CDH8: variants seen among roughly 807,000 people sequenced by gnomAD.
CDH8 encodes the protein cadherin-8.
In CDH8, 17 loss-of-function variants were observed where a neutral mutation model predicts 68.1. The observed-to-expected ratio is 0.25, with a 90% CI of 0.17 to 0.37. CDH8 has a LOEUF of 0.37. Among genes scored for constraint, CDH8 ranks in the 10% least tolerant of loss-of-function variants. CDH8 has a pLI of 1.00. For synonymous variants in CDH8, 372 were observed against 365.1 expected (o/e 1.02, Z -0.21); for missense variants, 763 against 999.3 (o/e 0.76, Z 3.19).
chr16:61,758,907 G>A lies in CDH8; in HGVS notation c.1414+30439C>T, dbSNP rs374224438. ...GAGGAGCTTAATCCATTTATGCTGG[G>A]GGTTGCAATTTCCTGGGTGTGAAAA... is the stretch of plus-strand genomic sequence containing the variant. On this transcript the variant is annotated intron_variant, in intron 8 of 11. Coordinates refer to ENST00000577390, the MANE Select transcript of CDH8 (RefSeq NM_001796.5). Among the ~76,000 whole-genome samples the A allele has an allele frequency of 3.3e-4, 50 of 152,150 alleles. No homozygotes were observed. The South Asian group carries it at 0.01, about 31-fold the overall frequency.
intron 10 of CDH8, among the ~76,000 whole-genome samples, chr16:61,713,235 C>T (rs969848163): frequency 2.0e-5 from 3 of 151,508 alleles, no homozygotes; most frequent in African/African-American, 7.3e-5. Context: ...AAACAGTAAT[C>T]CAAGGTTGGT....
rs1336060083 is a variant in CDH8, at chr16:61,917,451, G to A, written c.253-15978C>T. Among the ~76,000 whole-genome samples the A allele has an allele frequency of 7.9e-5, 12 of 152,180 alleles. No homozygotes were observed. In the South Asian group the frequency reaches 2.5e-3, roughly 32 times the overall value. On this transcript the variant is annotated intron_variant, in intron 2 of 11. Coordinates refer to ENST00000577390, the MANE Select transcript of CDH8 (RefSeq NM_001796.5). ...TCAACATTTGAGCCTAGTGTGTCCT[G>A]TTCCCCAGGTTATAAATCCTAAGGC...
intron 1 of CDH8, among the ~76,000 whole-genome samples, chr16:62,023,024 C>T (rs10735131): frequency 0.5 from 76,570 of 151,964 alleles, 20,587 homozygotes; most frequent in African/African-American, 0.7. Context: ...ACAGAGAAAA[C>T]GGAGTCCAGA....
chr16:61,965,252 A>G (rs1267382394), intron 2 of CDH8, among the ~76,000 whole-genome samples: 3 of 152,156 alleles, frequency 2.0e-5, no homozygotes, highest in Non-Finnish European at 4.4e-5. Flanking sequence ...ATTTTCTATC[A>G]GCACCTGGTT....
At chr16:61,859,044 A>G (rs931626898) in intron 3 of CDH8, among the ~76,000 whole-genome samples, 2 of 152,182 alleles carry the variant, frequency 1.3e-5, no homozygotes, top group African/African-American at 4.8e-5. Flanking sequence ...GTTTTGAATT[A>G]CAGTCACTCC....
intron 9 of CDH8, among the ~76,000 whole-genome samples, chr16:61,716,936 G>T (rs1596894512): frequency 1.3e-5 from 2 of 151,716 alleles, no homozygotes; most frequent in East Asian, 1.9e-4. Flanking sequence ...AACAGTAAAA[G>T]AAAAAGAACA....
rs1014792517 is a variant in CDH8, at chr16:62,028,358, G to A, written c.-199-6756C>T. Reference sequence around the variant, plus strand: ...GCTGGGATTACAGACGTGAGCCACCGCGACCGGCCTCAAATCCACTTTTTG... The same window carrying A: ...GCTGGGATTACAGACGTGAGCCACCACGACCGGCCTCAAATCCACTTTTTG... On this transcript the variant is annotated intron_variant, in intron 1 of 11. Transcript: ENST00000577390. Among the ~76,000 whole-genome samples, 4 of 151,914 alleles carry A rather than the reference G, an allele frequency of 2.6e-5. No individual in the cohort carries two copies. The East Asian group carries it at 5.8e-4, about 22-fold the overall frequency.
intron 7 of CDH8, among the ~76,000 whole-genome samples, chr16:61,793,737 G>T (rs1427592715): frequency 6.6e-6 from 1 of 151,860 alleles, no homozygotes; most frequent in South Asian, 2.1e-4. Context: ...TCTTTATAAC[G>T]GAATGATTTA....
intron 3 of CDH8, among the ~76,000 whole-genome samples, chr16:61,865,746 C>G (rs1363254347): frequency 6.6e-6 from 1 of 152,146 alleles, no homozygotes; most frequent in Admixed American, 6.5e-5. Flanking sequence ...TCATGGGCTG[C>G]TTATTCCCAG....
chr16:61,677,741 G>T (rs922543956), intron 10 of CDH8, among the ~76,000 whole-genome samples: 1 of 151,858 alleles, frequency 6.6e-6, no homozygotes, highest in Non-Finnish European at 1.5e-5. Context: ...TTCTGCTACT[G>T]TAAACAAAAA....
chr16:61,725,953 C>T (rs1478177473), intron 9 of CDH8: 1 of 150,200 alleles, frequency 6.7e-6, no homozygotes, highest in Non-Finnish European at 1.5e-5. Context: ...GGAAACAATG[C>T]TAATTCTCCA....
chr16:61,844,894 A>C (rs952039817), intron 4 of CDH8, among the ~76,000 whole-genome samples: 2 of 152,192 alleles, frequency 1.3e-5, no homozygotes, highest in Non-Finnish European at 2.9e-5. Context: ...AGACTTTAAA[A>C]GTATGACTTT....
rs532729192 is a variant in CDH8 at position 61,648,874 on chromosome 16, A to G, written c.*4734T>C. On this transcript the variant is annotated 3_prime_UTR_variant, in exon 12 of 12. Coordinates refer to ENST00000577390, the MANE Select transcript of CDH8 (RefSeq NM_001796.5). ...AAATACTAGGACTAGAATATCTTCA[A>G]TAGCAACAGTATACCATGTAATCCA... is the stretch of plus-strand genomic sequence containing the variant. The G allele has an allele frequency of 1.3e-5, 2 of 152,074 alleles. No homozygotes were observed. Among genetic ancestry groups the G allele is most frequent in the South Asian group, 2.1e-4 (1 of 4,832 alleles). 9.4% of individuals were successfully genotyped at this position (152,074 alleles called of 1,614,324 possible). A position where few individuals can be genotyped will look rare whatever the true frequency, so the allele number is the denominator to read the frequency against.
At chr16:62,021,964 T>A (rs1278542655) in intron 1 of CDH8, among the ~76,000 whole-genome samples, 3 of 152,136 alleles carry the variant, frequency 2.0e-5, no homozygotes, top group Non-Finnish European at 2.9e-5. Flanking sequence ...CATTCTTTTT[T>A]GTTTTAACAC....
At chr16:61,676,145 CA>C (rs60364173) in intron 10 of CDH8, among the ~76,000 whole-genome samples, 25,368 of 131,050 alleles carry the variant, frequency 0.19, 2,478 homozygotes, top group Middle Eastern at 0.29. Flanking sequence ...CACACACACT[CA>C]AAAAAAAAAA....
intron 4 of CDH8, among the ~76,000 whole-genome samples, chr16:61,833,537 C>T (rs532631128): frequency 2.6e-5 from 4 of 151,866 alleles, no homozygotes; most frequent in Non-Finnish European, 5.9e-5. Flanking sequence ...GTGAACATCT[C>T]TCACCAATTT....
chr16:61,756,204 A>T (rs1366832973), intron 8 of CDH8, among the ~76,000 whole-genome samples: 1 of 152,180 alleles, frequency 6.6e-6, no homozygotes, highest in African/African-American at 2.4e-5. Flanking sequence ...TTTAAAATAT[A>T]TAATACAAGC....
chr16:62,035,704 C>A (rs1338625992), intron 1 of CDH8, among the ~76,000 whole-genome samples: 1 of 152,118 alleles, frequency 6.6e-6, no homozygotes, highest in Non-Finnish European at 1.5e-5. Context: ...GCACGGACCC[C>A]GCAGTGAAGG....
At chr16:61,746,694 T>G (rs1469074399) in intron 8 of CDH8, among the ~76,000 whole-genome samples, 1 of 151,926 alleles carries the variant, frequency 6.6e-6, no homozygotes, top group East Asian at 1.9e-4. Flanking sequence ...AGAAGGACTC[T>G]AATCCTCCGT....
Sources: allele counts gnomAD v4.1 joint callset (sites outside exome capture counted in the v4.1 genomes callset), GRCh38; gene constraint gnomAD v4.1.1; transcripts MANE v1.5; gene names NCBI Gene and HGNC (gene_info 2026-07-23, HGNC 2026-07-21).